EXOC3L4: variants seen among roughly 807,000 people sequenced by gnomAD.
The protein encoded by EXOC3L4 is exocyst complex component 3 like 4, also known as exocyst complex component 3-like protein 4.
In EXOC3L4, 62 loss-of-function variants were observed where a neutral mutation model predicts 69.7. The observed-to-expected ratio is 0.89, with a 90% CI of 0.72 to 1.10. The LOEUF (loss-of-function observed/expected upper bound fraction) is 1.10. EXOC3L4 is among the 50% of genes least tolerant of loss of function. EXOC3L4 has a pLI of 0.00. For missense variants in EXOC3L4, 1,087 were observed against 1,034.8 expected, an observed-to-expected ratio of 1.05 and a Z score of -0.69; for synonymous variants, 502 against 464.2, an observed-to-expected ratio of 1.08 and a Z score of -1.05.
chr14:103,103,476 C>T (rs567675234), intron 3 of EXOC3L4: 27 of 159,850 alleles, frequency 1.7e-4, no homozygotes, highest in Non-Finnish European at 3.6e-4. Flanking sequence ...CCGCTCTCTG[C>T]CTGGGATGAG....
intron 2 of EXOC3L4, 55 bp downstream of exon 2, chr14:103,100,668 G>A: frequency 3.3e-6 from 5 of 1,528,178 alleles, no homozygotes; most frequent in South Asian, 2.5e-5. Context: ...AGAGGTCAGG[G>A]CAGCTCAGCT....
intron 2 of EXOC3L4, 89 bp from the exon 3 acceptor site, chr14:103,102,029 C>T: frequency 2.2e-6 from 3 of 1,354,306 alleles, no homozygotes; most frequent in Non-Finnish European, 3.0e-6. Context: ...AATCCAGCCC[C>T]GATGGATTGA....
At chr14:103,095,954 G>A (rs534297466) in intron 1 of EXOC3L4, among the ~76,000 whole-genome samples, 86 of 152,188 alleles carry the variant, frequency 5.7e-4, no homozygotes, top group African/African-American at 2.0e-3. Flanking sequence ...AGTTCTTCCA[G>A]CCAAATGTTG....
intron 5 of EXOC3L4, 163 bp downstream of exon 5, chr14:103,104,552 C>G: frequency 7.7e-7 from 1 of 1,306,602 alleles, no homozygotes; most frequent in Admixed American, 3.3e-5. Flanking sequence ...GGCGCGCCGA[C>G]GGGCAGGGAG....
intron 7 of EXOC3L4, among the ~76,000 whole-genome samples, chr14:103,106,477 T>G (rs751239489): frequency 1.3e-5 from 2 of 152,184 alleles, no homozygotes; most frequent in Non-Finnish European, 2.9e-5. Context: ...GGGGCAGTTA[T>G]AAGGCTCAGG....
rs762551773 is a variant in EXOC3L4 at position 103,100,515 on chromosome 14, A to T, written c.296A>T (p.His99Leu). The T allele has an allele frequency of 1.7e-5, 28 of 1,612,768 alleles. No homozygotes were observed. Among genetic ancestry groups the T allele is most frequent in the Non-Finnish European group, 2.4e-5 (28 of 1,179,786 alleles). The change falls in exon 2 of 12, where the codon CAT (histidine) becomes CTT (leucine). Residue 99 changes from histidine to leucine, a missense_variant. By Grantham distance (99) the His-to-Leu change is moderately conservative. Coordinates refer to ENST00000688303, the MANE Select transcript of EXOC3L4 (RefSeq NM_001077594.2). ...CTGAATGACGGCCCAGCTACCGGCC[A>T]TTCCCAGGCCACTCCTGAGGTGCCC... ...QALNDGPATG[H>L]SQATPEVPSG...
At position 103,102,112 on chromosome 14, in the gene EXOC3L4, G is replaced by A; in HGVS notation, c.395-6G>A. On this transcript the variant is annotated splice_region_variant and splice_polypyrimidine_tract_variant and intron_variant, in intron 2 of 11. Coordinates refer to ENST00000688303, the MANE Select transcript of EXOC3L4 (RefSeq NM_001077594.2). Reference sequence around the variant, plus strand: ...CTCTCACCGCCCTTCTCGCCCGCCTGTGCAGAAGGCAAATCCGTGGCCGAC... The same window carrying A: ...CTCTCACCGCCCTTCTCGCCCGCCTATGCAGAAGGCAAATCCGTGGCCGAC... 6.3e-7 allele frequency: 1 copy of A among 1,598,990 alleles called. No homozygotes were observed. Among genetic ancestry groups the A allele is most frequent in the Non-Finnish European group, 8.5e-7 (1 of 1,173,356 alleles).
chr14:103,098,062 C>T (rs949342488), intron 1 of EXOC3L4, among the ~76,000 whole-genome samples: 3 of 151,984 alleles, frequency 2.0e-5, no homozygotes, highest in African/African-American at 7.2e-5. Context: ...GCTGCAGGGT[C>T]GAAGGTGGCA....
rs1350288875 is a variant in EXOC3L4 at position 103,097,857 on chromosome 14, T to C, written c.-16-2347T>C. On this transcript the variant is annotated intron_variant, in intron 1 of 11. Transcript: ENST00000688303. This position sits in a 1 kb window ranked among gnomAD's most constrained non-coding sequence, Gnocchi z 4.9. Reference sequence around the variant, plus strand: ...GAGAAGAAGCTGGGTGGGGTGCAGGTTGTCCGTGAACCCCAGGGGAAGCTG... The same window carrying C: ...GAGAAGAAGCTGGGTGGGGTGCAGGCTGTCCGTGAACCCCAGGGGAAGCTG... 1.3e-5 allele frequency among the ~76,000 whole-genome samples: 2 copies of C among 151,786 alleles called. No homozygotes were observed. The highest frequency in any genetic ancestry group is 1.5e-5 in the Non-Finnish European group (1 of 67,930).
chr14:103,106,166 T>C (rs1206862884), intron 7 of EXOC3L4, among the ~76,000 whole-genome samples: 2 of 152,256 alleles, frequency 1.3e-5, no homozygotes, highest in African/African-American at 2.4e-5. Flanking sequence ...CACTTGCCCG[T>C]GGCCACGTAG....
chr14:103,108,132 C>T (rs1310379858), intron 10 of EXOC3L4, among the ~76,000 whole-genome samples: 2 of 152,174 alleles, frequency 1.3e-5, no homozygotes, highest in Admixed American at 6.5e-5. Flanking sequence ...CCTAGCAGTG[C>T]TTTCAGGCTG....
Position 103,107,414 on chromosome 14 carries a change from C to T in EXOC3L4, c.1582-10C>T. 6.2e-7 allele frequency: 1 copy of T among 1,612,218 alleles called. No individual in the cohort carries two copies. The highest frequency in any genetic ancestry group is 1.1e-5 in the South Asian group (1 of 91,054). ...GCACATTTGCAGACTCCCAGCCCCT[C>T]TGTCCCCAGCCGCTCTTCAGGGTTG... On this transcript the variant is annotated splice_polypyrimidine_tract_variant and intron_variant, in intron 8 of 11. Transcript: ENST00000688303.
chr14:103,104,323 G>A lies in EXOC3L4; in HGVS notation c.1218G>A (p.Ala406=). ...TGCAGCTGGAGCAGAGTCACTGGGC[G>A]GCCGCCGAGGTCCCCGAGGTGCTGC... ...SILQLEQSHW[A]AAEVPEVLQG... is the part of the protein sequence containing the mutation. Residue 406 remains alanine, a synonymous_variant, in exon 5 of 12, where the codon GCG becomes GCA. Coordinates refer to ENST00000688303, the MANE Select transcript of EXOC3L4 (RefSeq NM_001077594.2). 6.3e-7 allele frequency: 1 copy of A among 1,592,570 alleles called. No homozygotes were observed. The highest frequency in any genetic ancestry group is 1.4e-5 in the African/African-American group (1 of 74,012).
intron 7 of EXOC3L4, among the ~76,000 whole-genome samples, chr14:103,106,487 G>C (rs780935277): frequency 3.9e-5 from 6 of 152,190 alleles, no homozygotes; most frequent in Non-Finnish European, 8.8e-5. Context: ...TAAGGCTCAG[G>C]GTAGGGTATG....
In EXOC3L4 at chr14:103,108,267, G is replaced by A. The variant is rs114400928; in HGVS notation, c.1855-129G>A. 1,199 of 1,398,214 alleles carry A rather than the reference G, an allele frequency of 8.6e-4. 6 individuals carry two copies. In the African/African-American group the frequency reaches 0.015, roughly 18 times the overall value. The allele number at this position is 1,398,214 out of a possible 1,614,324, so 86.6% of individuals were successfully genotyped here. A position where few individuals can be genotyped will look rare whatever the true frequency, so the allele number is the denominator to read the frequency against. On this transcript the variant is annotated intron_variant, in intron 10 of 11. Transcript: ENST00000688303. ...TTTTGGGGGAGGCAGTCCCGGCACC[G>A]AGCCAGAGTGACTACAGGAGGGCTG...
At chr14:103,100,159 C>T (rs984133052) in intron 1 of EXOC3L4, 45 bp from the exon 2 acceptor site, 2 of 1,476,322 alleles carry the variant, frequency 1.4e-6, no homozygotes, top group Non-Finnish European at 1.8e-6. Flanking sequence ...AGGGCCACAA[C>T]AGGTTTCTGC....
At chr14:103,109,735 C>T (rs1194557177) in intron 11 of EXOC3L4, among the ~76,000 whole-genome samples, 1 of 139,048 alleles carries the variant, frequency 7.2e-6, no homozygotes, top group African/African-American at 2.7e-5. Flanking sequence ...CTCTCTCCAG[C>T]CTGGGTCTCT....
chr14:103,106,070 T>C (rs1220617271), intron 7 of EXOC3L4, among the ~76,000 whole-genome samples: 1 of 152,234 alleles, frequency 6.6e-6, no homozygotes, highest in Non-Finnish European at 1.5e-5. Context: ...AGGCACTTTG[T>C]GGGTGCCTTC....
At chr14:103,103,354 C>CACAAA (rs1890320568) in intron 3 of EXOC3L4, among the ~76,000 whole-genome samples, 1 of 94,910 alleles carries the variant, frequency 1.1e-5, no homozygotes, top group Non-Finnish European at 2.1e-5. Flanking sequence ...GACTCTGTCT[C>CACAAA]AAAAAAAAAA....
Sources: allele counts gnomAD v4.1 joint callset (sites outside exome capture counted in the v4.1 genomes callset), GRCh38; gene constraint gnomAD v4.1.1; non-coding constraint Gnocchi (gnomAD v3.1); transcripts MANE v1.5; gene names NCBI Gene and HGNC (gene_info 2026-07-23, HGNC 2026-07-21).